SLCO1B1: variants seen among roughly 807,000 people sequenced by gnomAD.
SLCO1B1 encodes the protein solute carrier organic anion transporter family member 1B1, also known as OATP-2.
A neutral mutation model predicts 70.1 loss-of-function variants in SLCO1B1; 81 were observed. The observed-to-expected ratio is 1.16, with a 90% CI of 0.97 to 1.39. The LOEUF is 1.39. Among genes scored for constraint, SLCO1B1 ranks in the 40% most tolerant of loss-of-function variants. SLCO1B1 has a pLI of 0.00. For missense variants in SLCO1B1, 895 were observed against 799.6 expected (o/e 1.12, Z -1.44); for synonymous variants, 283 against 271.5 (o/e 1.04, Z -0.42).
chr12:21,199,116 T>C (rs112764328), intron 8 of SLCO1B1, among the ~76,000 whole-genome samples: 2,520 of 152,116 alleles, frequency 0.017, 66 homozygotes, highest in African/African-American at 0.058. Flanking sequence ...TTTCTCTAAC[T>C]CCTTCTACTC....
chr12:21,181,636 T>C (rs56148886), intron 7 of SLCO1B1, among the ~76,000 whole-genome samples: 36,374 of 152,090 alleles, frequency 0.24, 4,706 homozygotes, highest in East Asian at 0.49. Flanking sequence ...ATGCATATGC[T>C]TTTTTATTTC....
intron 2 of SLCO1B1, among the ~76,000 whole-genome samples, chr12:21,162,625 G>A (rs1432550315): frequency 1.3e-5 from 2 of 152,120 alleles, no homozygotes; most frequent in Non-Finnish European, 2.9e-5. Context: ...TAAGGGTTTG[G>A]CTCAAGATAA....
intron 14 of SLCO1B1, among the ~76,000 whole-genome samples, chr12:21,234,891 T>C (rs1941580820): frequency 6.6e-6 from 1 of 152,170 alleles, no homozygotes. Flanking sequence ...TTTATTCTGC[T>C]GTGGTTCATG....
At chr12:21,135,780 C>G (rs1053530576) in intron 1 of SLCO1B1, among the ~76,000 whole-genome samples, 1 of 152,180 alleles carries the variant, frequency 6.6e-6, no homozygotes, top group Admixed American at 6.5e-5. Flanking sequence ...GGTCTTGACT[C>G]TTTATCCAAT....
At chr12:21,190,044 G>C (rs1007486063) in intron 7 of SLCO1B1, among the ~76,000 whole-genome samples, 1 of 152,112 alleles carries the variant, frequency 6.6e-6, no homozygotes, top group Non-Finnish European at 1.5e-5. Context: ...GAAGCTATAG[G>C]GAAGGAAGCA....
At chr12:21,196,268 A>C (rs2121138559) in intron 7 of SLCO1B1, among the ~76,000 whole-genome samples, 1 of 152,236 alleles carries the variant, frequency 6.6e-6, no homozygotes, top group South Asian at 2.1e-4. Flanking sequence ...TTTATTACTT[A>C]GATTGTTTAT....
chr12:21,236,911 C>A (rs187795908), intron 14 of SLCO1B1, among the ~76,000 whole-genome samples: 63 of 125,208 alleles, frequency 5.0e-4, no homozygotes, highest in Non-Finnish European at 7.7e-4. Context: ...TACTTTTAAT[C>A]TATACATCTA....
At chr12:21,165,472 T>A (rs1940672878) in intron 2 of SLCO1B1, among the ~76,000 whole-genome samples, 1 of 152,002 alleles carries the variant, frequency 6.6e-6, no homozygotes, top group Non-Finnish European at 1.5e-5. Flanking sequence ...TTTTACCTAA[T>A]GCTAATCCCC....
At chr12:21,133,317 T>C (rs1940168505) in intron 1 of SLCO1B1, among the ~76,000 whole-genome samples, 1 of 152,292 alleles carries the variant, frequency 6.6e-6, no homozygotes, top group Admixed American at 6.5e-5. Context: ...GTATGCGGGC[T>C]CTTTTTTGGT....
intron 5 of SLCO1B1, among the ~76,000 whole-genome samples, chr12:21,177,571 A>G (rs926966873): frequency 6.6e-6 from 1 of 152,124 alleles, no homozygotes; most frequent in African/African-American, 2.4e-5. Flanking sequence ...CACATTGTAT[A>G]TATTGCTGGA....
intron 7 of SLCO1B1, among the ~76,000 whole-genome samples, chr12:21,184,997 C>A (rs1940947467): frequency 6.6e-6 from 1 of 152,020 alleles, no homozygotes; most frequent in Non-Finnish European, 1.5e-5. Flanking sequence ...AAACCAAAAA[C>A]CATCAAGAAG....
At chr12:21,175,644 G>A (rs1940810537) in intron 4 of SLCO1B1, among the ~76,000 whole-genome samples, 1 of 151,934 alleles carries the variant, frequency 6.6e-6, no homozygotes, top group South Asian at 2.1e-4. Flanking sequence ...GGCCCTTATA[G>A]GAAGTTTCTT....
At position 21,177,343 on chromosome 12, in the gene SLCO1B1, A is replaced by C. The variant is rs999940524; in HGVS notation, c.481+446A>C. Among the ~76,000 whole-genome samples, 9 of 152,320 alleles carry C rather than the reference A, an allele frequency of 5.9e-5. No individual in the cohort carries two copies. In the Middle Eastern group the frequency reaches 0.024, roughly 403 times the overall value. On this transcript the variant is annotated intron_variant, in intron 5 of 14. Transcript: ENST00000256958. ...TAGGAAATTGACAAAGAATATATGC[A>C]TTAAAGTAAAACAGAAGGAAATGGT...
At chr12:21,147,688 G>C (rs1940407406) in intron 2 of SLCO1B1, among the ~76,000 whole-genome samples, 1 of 152,112 alleles carries the variant, frequency 6.6e-6, no homozygotes, top group Admixed American at 6.5e-5. Flanking sequence ...ATTATTGATG[G>C]GCATTTGGGT....
Position 21,217,237 on chromosome 12 carries a change from C to T in SLCO1B1, c.1616C>T (p.Ala539Val), listed in dbSNP as rs558485740. Residue 539 changes from alanine (A) to valine (V), a missense_variant, in exon 12 of 15, where the codon GCA becomes GTA. By Grantham distance (64) the Ala-to-Val change is moderately conservative (BLOSUM62 0). Transcript: ENST00000256958. ...ACTRKFYFFV[A>V]IQVLNLFFSA... ...ACAAGGAAATTTTACTTTTTTGTTG[C>T]AATACAAGTCTTGAATTTATTTTTC... The T allele has an allele frequency of 6.2e-6, 10 of 1,613,594 alleles. No homozygotes were observed. Among genetic ancestry groups the T allele is most frequent in the Middle Eastern group, 1.7e-4 (1 of 6,054 alleles).
intron 2 of SLCO1B1, among the ~76,000 whole-genome samples, chr12:21,167,870 G>C (rs1417596420): frequency 6.8e-6 from 1 of 147,772 alleles, no homozygotes; most frequent in Non-Finnish European, 1.5e-5. Flanking sequence ...AGGTTGGAGT[G>C]CAGTGGTGTG....
intron 14 of SLCO1B1, among the ~76,000 whole-genome samples, chr12:21,234,785 A>G (rs1941578702): frequency 6.6e-6 from 1 of 152,110 alleles, no homozygotes; most frequent in Non-Finnish European, 1.5e-5. Context: ...TTCTGCTCTA[A>G]TTTTGTTATT....
chr12:21,200,440 C>T, intron 8 of SLCO1B1, 68 bp from the exon 9 acceptor site: 1 of 1,088,222 alleles, frequency 9.2e-7, no homozygotes, highest in Non-Finnish European at 1.3e-6. Context: ...CTTACGTTCA[C>T]AAATTTTAGA....
At chr12:21,204,250 A>C (rs1332196796) in intron 10 of SLCO1B1, among the ~76,000 whole-genome samples, 1 of 151,956 alleles carries the variant, frequency 6.6e-6, no homozygotes, top group Non-Finnish European at 1.5e-5. Flanking sequence ...TTTTTATAAT[A>C]ATACTAAGAC....
Sources: gnomAD v4.1 joint callset for allele counts (sites outside exome capture counted in the v4.1 genomes callset) on GRCh38, gnomAD v4.1.1 for gene constraint, MANE v1.5 for transcripts, NCBI Gene and HGNC (gene_info 2026-07-23, HGNC 2026-07-21) for gene names.